CCDC192: variants seen among roughly 807,000 people sequenced by gnomAD.
The protein encoded by CCDC192 is coiled-coil domain-containing protein 192.
chr5:127,764,157 C>T (rs1190926235), intron 3 of CCDC192, among the ~76,000 whole-genome samples: 1 of 152,062 alleles, frequency 6.6e-6, no homozygotes, highest in Non-Finnish European at 1.5e-5. Flanking sequence ...TGGAGTTGAC[C>T]CCTACACAAG....
chr5:127,893,843 G>T (rs1240417017), intron 6 of CCDC192, among the ~76,000 whole-genome samples: 1 of 151,796 alleles, frequency 6.6e-6, no homozygotes, highest in African/African-American at 2.4e-5. Context: ...TAAAAATTCA[G>T]CAATAATGCA....
intron 6 of CCDC192, among the ~76,000 whole-genome samples, chr5:127,889,712 TC>T (rs1435796182): frequency 1.3e-5 from 2 of 152,216 alleles, no homozygotes; most frequent in African/African-American, 2.4e-5. Flanking sequence ...TCTATTCTAC[TC>T]TTTAAATTGA....
At chr5:127,918,316 C>T (rs999452219) in intron 6 of CCDC192, among the ~76,000 whole-genome samples, 6 of 151,484 alleles carry the variant, frequency 4.0e-5, no homozygotes, top group African/African-American at 1.2e-4. Context: ...GCTTTTATCA[C>T]GGAGTGTCCT....
In CCDC192 at chr5:127,762,039, A is replaced by T. The variant is rs1281133832; in HGVS notation, c.222+7664A>T. On this transcript the variant is annotated intron_variant, in intron 3 of 6. Coordinates refer to ENST00000514853, the MANE Select transcript of CCDC192 (RefSeq NM_001317938.2). Reference sequence around the variant, plus strand: ...TAAAAGTAATCTGATGCATACTGAGATTATCCAAAAAATGCTCTGTTTTTT... The same window carrying T: ...TAAAAGTAATCTGATGCATACTGAGTTTATCCAAAAAATGCTCTGTTTTTT... Among the ~76,000 whole-genome samples, 9 of 151,664 alleles carry T rather than the reference A, an allele frequency of 5.9e-5. No homozygotes were observed. The Admixed American group carries it at 5.9e-4, about 10-fold the overall frequency.
intron 2 of CCDC192, among the ~76,000 whole-genome samples, chr5:127,741,929 C>A (rs907579375): frequency 6.6e-6 from 1 of 152,142 alleles, no homozygotes; most frequent in Non-Finnish European, 1.5e-5. Context: ...AAGCACAAAG[C>A]AGTATATTAG....
chr5:127,750,185 A>T (rs2126862265), intron 2 of CCDC192, among the ~76,000 whole-genome samples: 1 of 151,952 alleles, frequency 6.6e-6, no homozygotes, highest in Admixed American at 6.6e-5. Context: ...TTGCTTTTCT[A>T]GTTCTTTTAA....
intron 3 of CCDC192, among the ~76,000 whole-genome samples, chr5:127,768,215 G>A (rs1025890931): frequency 6.6e-6 from 1 of 152,014 alleles, no homozygotes; most frequent in African/African-American, 2.4e-5. Context: ...TCCCACCACT[G>A]CACTCCAGCC....
At chr5:127,787,409 A>G (rs1358407157) in intron 3 of CCDC192, among the ~76,000 whole-genome samples, 1 of 152,150 alleles carries the variant, frequency 6.6e-6, no homozygotes, top group East Asian at 1.9e-4. Context: ...ACCTCGTCCC[A>G]TAAGTTTTTG....
chr5:127,744,716 T>A (rs2126848705), intron 2 of CCDC192, among the ~76,000 whole-genome samples: 1 of 152,346 alleles, frequency 6.6e-6, no homozygotes, highest in Admixed American at 6.5e-5. Context: ...TCCCCATGGG[T>A]ATTTTCTTTT....
At chr5:127,827,206 C>G (rs183659859) in intron 5 of CCDC192, among the ~76,000 whole-genome samples, 1 of 152,194 alleles carries the variant, frequency 6.6e-6, no homozygotes, top group South Asian at 2.1e-4. Context: ...CCCAAAAAGC[C>G]GAACCTTTTT....
chr5:127,746,240 G>A lies in CCDC192; in HGVS notation c.115-8028G>A, dbSNP rs183850473. On this transcript the variant is annotated intron_variant, in intron 2 of 6. Transcript: ENST00000514853. ...AAACAGATGACAATTTCCTAAATTT[G>A]TCTGTATGAAAAGTCCTATGTTATT... 3.3e-4 allele frequency among the ~76,000 whole-genome samples: 51 copies of A among 152,324 alleles called. 1 individual carries two copies. The highest frequency in any genetic ancestry group is 1.2e-3 in the African/African-American group (51 of 41,566).
At chr5:127,923,243 C>T (rs894517971) in intron 6 of CCDC192, among the ~76,000 whole-genome samples, 1 of 152,180 alleles carries the variant, frequency 6.6e-6, no homozygotes, top group South Asian at 2.1e-4. Flanking sequence ...TTCATTGTGG[C>T]AGACCCTATT....
chr5:127,917,726 A>T (rs1412231044), intron 6 of CCDC192, among the ~76,000 whole-genome samples: 3 of 152,224 alleles, frequency 2.0e-5, no homozygotes, highest in Admixed American at 1.3e-4. Flanking sequence ...CAACGGTAAC[A>T]TCAAAGATCA....
At chr5:127,777,532 G>C (rs1755940538) in intron 3 of CCDC192, among the ~76,000 whole-genome samples, 1 of 152,196 alleles carries the variant, frequency 6.6e-6, no homozygotes, top group Admixed American at 6.5e-5. Flanking sequence ...TTTGGGGACT[G>C]TTGGGAAGGC....
intron 6 of CCDC192, among the ~76,000 whole-genome samples, chr5:127,900,124 A>T (rs1752998446): frequency 6.6e-6 from 1 of 152,250 alleles, no homozygotes; most frequent in Non-Finnish European, 1.5e-5. Flanking sequence ...ATCAAATCCC[A>T]GCTTTGCTAA....
chr5:127,887,865 G>A (rs1251382703), intron 6 of CCDC192, among the ~76,000 whole-genome samples: 4 of 151,414 alleles, frequency 2.6e-5, no homozygotes, highest in Non-Finnish European at 4.4e-5. Flanking sequence ...CACCATGCCC[G>A]ACTAATTTTT....
chr5:127,792,525 C>CATAT (rs34017962), intron 3 of CCDC192, among the ~76,000 whole-genome samples: 3,234 of 141,120 alleles, frequency 0.023, 58 homozygotes, highest in East Asian at 0.089. Flanking sequence ...ATCACCATCT[C>CATAT]ATATATATAT....
chr5:127,937,590 T>C (rs893056342), intron 6 of CCDC192, among the ~76,000 whole-genome samples: 2 of 152,170 alleles, frequency 1.3e-5, no homozygotes, highest in Non-Finnish European at 2.9e-5. Context: ...CCCAGAACTA[T>C]AAAAAAGTTT....
At chr5:127,791,966 A>C (rs1437102716) in intron 3 of CCDC192, among the ~76,000 whole-genome samples, 1 of 152,212 alleles carries the variant, frequency 6.6e-6, no homozygotes, top group Non-Finnish European at 1.5e-5. Flanking sequence ...AATCAGGAGA[A>C]TGATGTATGA....
Sources: allele counts gnomAD v4.1 joint callset (sites outside exome capture counted in the v4.1 genomes callset), GRCh38; gene constraint gnomAD v4.1.1; transcripts MANE v1.5; gene names NCBI Gene and HGNC (gene_info 2026-07-23, HGNC 2026-07-21).